ARB2A: variants seen among roughly 807,000 people sequenced by gnomAD.
The protein encoded by ARB2A is cotranscriptional regulator ARB2A.
the ARB2A span, among the ~76,000 whole-genome samples, chr5:94,093,312 T>C: frequency 1.3e-5 from 2 of 152,088 alleles, no homozygotes; most frequent in Non-Finnish European, 1.5e-5. Flanking sequence ...CCATACAAAA[T>C]ACCATACACA....
the ARB2A span, chr5:93,620,629 C>A: frequency 5.2e-6 from 1 of 191,444 alleles, no homozygotes; most frequent in Non-Finnish European, 1.1e-5. Flanking sequence ...TCCGCTACGG[C>A]GGGCGCTAGG....
chr5:93,808,963 T>C, the ARB2A span, among the ~76,000 whole-genome samples: 2 of 152,042 alleles, frequency 1.3e-5, no homozygotes, highest in Admixed American at 1.3e-4. Flanking sequence ...ACTGTAAATA[T>C]CTATTAGTAC....
the ARB2A span, among the ~76,000 whole-genome samples, chr5:94,095,038 A>T: frequency 6.6e-6 from 1 of 152,182 alleles, no homozygotes; most frequent in African/African-American, 2.4e-5. Context: ...GAGTATGGCC[A>T]ACTAGGAAGG....
At chr5:94,064,991 T>C in the ARB2A span, among the ~76,000 whole-genome samples, 16 of 150,912 alleles carry the variant, frequency 1.1e-4, no homozygotes, top group African/African-American at 3.7e-4. Flanking sequence ...CAATAAACAA[T>C]AAGAGAAAAA....
the ARB2A span, among the ~76,000 whole-genome samples, chr5:93,781,212 T>G: frequency 6.6e-6 from 1 of 152,180 alleles, no homozygotes; most frequent in African/African-American, 2.4e-5. Flanking sequence ...CTACTTTGTA[T>G]GTCCATATGT....
At chr5:93,798,009 T>C in the ARB2A span, among the ~76,000 whole-genome samples, 1 of 151,924 alleles carries the variant, frequency 6.6e-6, no homozygotes, top group Non-Finnish European at 1.5e-5. Context: ...GAAATCTAGA[T>C]TGAAAAAGAA....
chr5:93,800,722 G>C, the ARB2A span, among the ~76,000 whole-genome samples: 1 of 152,018 alleles, frequency 6.6e-6, no homozygotes, highest in Non-Finnish European at 1.5e-5. Flanking sequence ...AATAAATGGA[G>C]CAAATCTTTA....
At chr5:93,810,968 T>C in the ARB2A span, among the ~76,000 whole-genome samples, 3 of 151,998 alleles carry the variant, frequency 2.0e-5, no homozygotes, top group Non-Finnish European at 4.4e-5. Flanking sequence ...CATCACAGGG[T>C]TGTTATAAGG....
At chr5:93,868,286 C>T in the ARB2A span, among the ~76,000 whole-genome samples, 7 of 152,318 alleles carry the variant, frequency 4.6e-5, no homozygotes, top group East Asian at 1.4e-3. Flanking sequence ...TGCCACTGCA[C>T]TCCAGCCTGG....
the ARB2A span, among the ~76,000 whole-genome samples, chr5:93,658,408 T>C: frequency 6.6e-6 from 1 of 152,094 alleles, no homozygotes; most frequent in Non-Finnish European, 1.5e-5. Context: ...TACTGATCAT[T>C]GATATAAAAA....
chr5:93,698,556 G>A, the ARB2A span, among the ~76,000 whole-genome samples: 7 of 151,990 alleles, frequency 4.6e-5, no homozygotes, highest in Non-Finnish European at 8.8e-5. Context: ...GAAAATGAGG[G>A]GTGAGCCTGT....
At chr5:93,789,211 G>A in the ARB2A span, among the ~76,000 whole-genome samples, 71 of 152,310 alleles carry the variant, frequency 4.7e-4, no homozygotes, top group African/African-American at 1.7e-3. Flanking sequence ...GTTACAGCAT[G>A]TGAATTACTT....
At chr5:93,921,278 T>G in the ARB2A span, among the ~76,000 whole-genome samples, 1 of 152,106 alleles carries the variant, frequency 6.6e-6, no homozygotes, top group South Asian at 2.1e-4. Flanking sequence ...GCAGCTTTTA[T>G]GTGACTGCAG....
chr5:93,872,318 C>A, the ARB2A span, among the ~76,000 whole-genome samples: 1 of 152,028 alleles, frequency 6.6e-6, no homozygotes. Context: ...ATATGATTAT[C>A]CCTAATTTAT....
chr5:93,911,343 A>C, the ARB2A span, among the ~76,000 whole-genome samples: 1 of 151,678 alleles, frequency 6.6e-6, no homozygotes, highest in South Asian at 2.1e-4. Context: ...ACATTTTGTC[A>C]AGATTTCTTT....
chr5:93,813,786 T>C, the ARB2A span, among the ~76,000 whole-genome samples: 1 of 152,254 alleles, frequency 6.6e-6, no homozygotes, highest in South Asian at 2.1e-4. Context: ...CTCTATAATA[T>C]TTTTGTTATA....
chr5:93,884,826 C>A, the ARB2A span, among the ~76,000 whole-genome samples: 11 of 151,564 alleles, frequency 7.3e-5, no homozygotes, highest in African/African-American at 2.7e-4. Flanking sequence ...TCATTCATAA[C>A]CATTTTGTAA....
chr5:94,024,460 G>T, the ARB2A span, among the ~76,000 whole-genome samples: 1 of 151,956 alleles, frequency 6.6e-6, no homozygotes, highest in African/African-American at 2.4e-5. Flanking sequence ...GTGTGTATAT[G>T]TGTTTATATA....
chr5:94,049,815 T>C, the ARB2A span, among the ~76,000 whole-genome samples: 2 of 152,230 alleles, frequency 1.3e-5, no homozygotes, highest in Non-Finnish European at 2.9e-5. Flanking sequence ...AGCGAGACCC[T>C]GTCTCAAAAA....
Sources: allele counts gnomAD v4.1 joint callset (sites outside exome capture counted in the v4.1 genomes callset), GRCh38; gene constraint gnomAD v4.1.1; transcripts MANE v1.5; gene names NCBI Gene and HGNC (gene_info 2026-07-23, HGNC 2026-07-21).